The following HERC5 variants were observed in gnomAD, a reference collection of about 807,000 sequenced individuals.
HERC5 encodes HECT and RLD domain containing E3 ubiquitin protein ligase 5.
In HERC5, 99 loss-of-function variants were observed where a neutral mutation model predicts 119.6. The observed-to-expected ratio is 0.83, with a 90% CI of 0.70 to 0.98. The LOEUF (loss-of-function observed/expected upper bound fraction) is 0.98. Among genes scored for constraint, HERC5 ranks in the 50% least tolerant of loss-of-function variants. The pLI is 0.00. For missense variants in HERC5, 1,267 were observed against 1,241.3 expected (o/e 1.02, Z -0.31); for synonymous variants, 478 against 445.9 (o/e 1.07, Z -0.91).
At position 88,457,134 on chromosome 4, in the gene HERC5, G is replaced by A. The variant is rs1740167182; in HGVS notation, c.-136G>A. ...GCAGGGGCTCAGTAGCTGAGGCTGC[G>A]GTTCCCCGACGCCACGCAGCTGCGC... On this transcript the variant is annotated 5_prime_UTR_variant, in exon 1 of 23. Coordinates refer to ENST00000264350, the MANE Select transcript of HERC5 (RefSeq NM_016323.4). The A allele has an allele frequency of 8.1e-7, 1 of 1,232,162 alleles. No homozygotes were observed. Among genetic ancestry groups the A allele is most frequent in the Non-Finnish European group, 1.0e-6 (1 of 987,728 alleles). The allele number at this position is 1,232,162 out of a possible 1,614,324, so 76.3% of individuals were successfully genotyped here. A position where few individuals can be genotyped will look rare whatever the true frequency, so the allele number is the denominator to read the frequency against.
intron 13 of HERC5, among the ~76,000 whole-genome samples, chr4:88,484,095 G>A (rs747184435): frequency 6.6e-5 from 10 of 151,948 alleles, no homozygotes; most frequent in Non-Finnish European, 1.3e-4. Context: ...AGATATTTTG[G>A]TTGCTATTAA....
intron 12 of HERC5, among the ~76,000 whole-genome samples, chr4:88,477,519 A>AAGGGGG (rs1446774859): frequency 3.2e-5 from 3 of 92,874 alleles, no homozygotes; most frequent in South Asian, 5.7e-4. Flanking sequence ...AACGGAAAGG[A>AAGGGGG]AGGGGGAGGG....
chr4:88,476,807 G>A (rs938133913), intron 12 of HERC5, among the ~76,000 whole-genome samples: 3 of 151,832 alleles, frequency 2.0e-5, no homozygotes, highest in African/African-American at 7.3e-5. Flanking sequence ...TGTAATCCCA[G>A]CTACTCGGGA....
intron 20 of HERC5, among the ~76,000 whole-genome samples, chr4:88,503,550 A>G (rs1247909815): frequency 1.3e-5 from 2 of 152,318 alleles, no homozygotes; most frequent in South Asian, 2.1e-4. Flanking sequence ...CTAAGCACAT[A>G]ACAGATTTTT....
chr4:88,461,277 G>A (rs867867802), intron 3 of HERC5, among the ~76,000 whole-genome samples: 14 of 152,168 alleles, frequency 9.2e-5, no homozygotes, highest in South Asian at 4.1e-4. Flanking sequence ...TTCGGATTAT[G>A]AAGATGAAAC....
chr4:88,491,258 G>C (rs1381832941), intron 16 of HERC5, among the ~76,000 whole-genome samples: 1 of 152,180 alleles, frequency 6.6e-6, no homozygotes, highest in Non-Finnish European at 1.5e-5. Flanking sequence ...GGTAAGAGGA[G>C]ATTTCTGGGG....
At chr4:88,460,909 G>A (rs375001054) in intron 3 of HERC5, among the ~76,000 whole-genome samples, 34 of 152,234 alleles carry the variant, frequency 2.2e-4, no homozygotes, top group African/African-American at 8.2e-4. Flanking sequence ...AGGATCCCTT[G>A]AGCCCAGGAG....
chr4:88,489,745 A>T (rs1741575070), intron 16 of HERC5, among the ~76,000 whole-genome samples: 1 of 152,162 alleles, frequency 6.6e-6, no homozygotes, highest in South Asian at 2.1e-4. Context: ...ATGGTGACTC[A>T]CACCTGTAAT....
Position 88,489,169 on chromosome 4 carries a change from A to G in HERC5, c.1966A>G (p.Lys656Glu), listed in dbSNP as rs747098849. The G allele has an allele frequency of 6.2e-6, 10 of 1,600,856 alleles. No individual in the cohort carries two copies. In the East Asian group the frequency reaches 8.9e-5, roughly 14 times the overall value. The part of the protein sequence containing the change: ...HTDTLLKIES[K>E]KHKAYLRSAA... ...ATTTCTGTTTCTGTTTTCCTAGAGTAAAAAACATAAAGCTTATCTTAGGTC... is the reference window on the plus strand; with the variant it reads ...ATTTCTGTTTCTGTTTTCCTAGAGTGAAAAACATAAAGCTTATCTTAGGTC... The change falls in exon 16 of 23, where the codon AAA becomes GAA. Residue 656 changes from lysine to glutamate, a missense_variant. Coordinates refer to ENST00000264350, the MANE Select transcript of HERC5 (RefSeq NM_016323.4).
At position 88,457,306 on chromosome 4, in the gene HERC5, G is replaced by C; in HGVS notation, c.37G>C (p.Gly13Arg). Residue 13 changes from glycine (G) to arginine (R), a missense_variant, in exon 1 of 23, where the codon GGG (glycine) becomes CGG (arginine). Gly to Arg is a moderately radical substitution (Grantham distance 125). Coordinates refer to ENST00000264350, the MANE Select transcript of HERC5 (RefSeq NM_016323.4). ...GTCGCGGAGGAAGTCGCGGCGCAACGGGCGCTCGACCGCGGGCAAGGCCGC... is the reference window on the plus strand; with the variant it reads ...GTCGCGGAGGAAGTCGCGGCGCAACCGGCGCTCGACCGCGGGCAAGGCCGC... ...RRSRRKSRRN[G>R]RSTAGKAAAT... 1 of 1,370,876 alleles carries C rather than the reference G, an allele frequency of 7.3e-7. No homozygotes were observed. Among genetic ancestry groups the C allele is most frequent in the Non-Finnish European group, 9.4e-7 (1 of 1,066,562 alleles). 84.9% of individuals were successfully genotyped at this position (1,370,876 alleles called of 1,614,324 possible).
In HERC5 at chr4:88,504,335, A is replaced by C. The variant is rs747308300; in HGVS notation, c.2686A>C (p.Ile896Leu). The C allele has an allele frequency of 1.6e-5, 26 of 1,613,144 alleles. No homozygotes were observed. Among genetic ancestry groups the C allele is most frequent in the Admixed American group, 3.3e-5 (2 of 59,982 alleles). The change falls in exon 21 of 23, where the codon ATT (isoleucine) becomes CTT (leucine). Residue 896 changes from isoleucine to leucine, a missense_variant. Physicochemically the swap from Ile to Leu is conservative, Grantham distance 5 (BLOSUM62 2). Transcript: ENST00000264350. ...RGFYKMCDEDIIKLFHPEELK... is the reference protein window; with the variant it reads ...RGFYKMCDEDLIKLFHPEELK... The stretch of plus-strand genomic sequence containing the variant: ...ATTTTATAAAATGTGCGACGAAGAC[A>C]TTATCAAATTATTCCACCCCGAAGA...
chr4:88,488,732 A>AT (rs1022487746), intron 15 of HERC5, among the ~76,000 whole-genome samples: 4 of 149,966 alleles, frequency 2.7e-5, no homozygotes, highest in East Asian at 2.0e-4. Flanking sequence ...CATAACCTGG[A>AT]TTTTTTTTCC....
At chr4:88,468,511 A>G in intron 8 of HERC5, 89 bp downstream of exon 8, 2 of 841,974 alleles carry the variant, frequency 2.4e-6, no homozygotes, top group Non-Finnish European at 3.8e-6. Flanking sequence ...TTCCAAAATC[A>G]TCAGTTTACC....
At chr4:88,476,467 A>G (rs1741069413) in intron 12 of HERC5, among the ~76,000 whole-genome samples, 1 of 152,202 alleles carries the variant, frequency 6.6e-6, no homozygotes, top group African/African-American at 2.4e-5. Flanking sequence ...GTTTATTACA[A>G]TTGTGCTTTT....
chr4:88,504,734 C>T (rs573226312), intron 22 of HERC5, 137 bp downstream of exon 22: 9 of 438,770 alleles, frequency 2.1e-5, no homozygotes, highest in African/African-American at 1.8e-4. Flanking sequence ...TCCTCTGTGT[C>T]CCAACATCAA....
rs1578458959 is a variant in HERC5, at chr4:88,457,164, C to T, written c.-106C>T. The T allele has an allele frequency of 1.6e-6, 2 of 1,234,650 alleles. No individual in the cohort carries two copies. The highest frequency in any genetic ancestry group is 1.6e-5 in the African/African-American group (1 of 64,438). 76.5% of individuals were successfully genotyped at this position (1,234,650 alleles called of 1,614,324 possible). Reference sequence around the variant, plus strand: ...CCCGACGCCACGCAGCTGCGCGCAGCTGGTTCCCGCTCTGCAGCGCAACGC... The same window carrying T: ...CCCGACGCCACGCAGCTGCGCGCAGTTGGTTCCCGCTCTGCAGCGCAACGC... On this transcript the variant is annotated 5_prime_UTR_variant, in exon 1 of 23. Transcript: ENST00000264350.
At chr4:88,460,660 A>G (rs1740399134) in intron 3 of HERC5, among the ~76,000 whole-genome samples, 1 of 152,194 alleles carries the variant, frequency 6.6e-6, no homozygotes, top group African/African-American at 2.4e-5. Context: ...ATGGTGGGAA[A>G]TGGAAGCAGT....
In HERC5 at chr4:88,486,124, G is replaced by A. The variant is rs1741454681; in HGVS notation, c.1747G>A (p.Val583Met). The A allele has an allele frequency of 6.2e-7, 1 of 1,602,956 alleles. No homozygotes were observed. Residue 583 changes from valine to methionine, a missense_variant, in exon 14 of 23, where the codon GTG (valine) becomes ATG (methionine). By Grantham distance (21) the Val-to-Met change is conservative. Around this residue, in one of 3 missense-constraint regions of HERC5, gnomAD observed 777 missense variants for 758.0 expected, o/e 1.03. Transcript: ENST00000264350. ...TCATATTTTATTTAAGGTAAACCAG[G>A]TGAAATGTCAACTACCTGAAAGTAT... The part of the protein sequence containing the change: ...MLKKLHRVNQ[V>M]KCQLPESIFQ...
At chr4:88,487,719 A>G (rs987581162) in intron 15 of HERC5, among the ~76,000 whole-genome samples, 2 of 152,182 alleles carry the variant, frequency 1.3e-5, no homozygotes, top group Admixed American at 1.3e-4. Context: ...ATGTTTGTAG[A>G]TGTATCCAGC....
Sources: allele counts gnomAD v4.1 joint callset (sites outside exome capture counted in the v4.1 genomes callset), GRCh38; gene constraint gnomAD v4.1.1; regional missense constraint gnomAD v4.1.1; transcripts MANE v1.5; gene names NCBI Gene and HGNC (gene_info 2026-07-23, HGNC 2026-07-21).